Variants in PARP8 observed in about 807,000 individuals in gnomAD.
PARP8 encodes the protein poly(ADP-ribose) polymerase family member 8.
PARP8 carries 51 observed loss-of-function variants against 124.1 expected under a neutral mutation model. The observed-to-expected ratio is 0.41, with a 90% confidence interval of 0.33 to 0.52. The LOEUF (loss-of-function observed/expected upper bound fraction) is 0.52, where lower values mean the gene tolerates loss of function less well. Among genes scored for constraint, PARP8 ranks in the 20% least tolerant of loss-of-function variants. PARP8 has a pLI of 0.21. For synonymous variants in PARP8, 391 were observed against 361.5 expected, an observed-to-expected ratio of 1.08 and a Z score of -0.93; for missense variants, 860 against 1,018.9, an observed-to-expected ratio of 0.84 and a Z score of 2.12.
chr5:50,845,000 A>C lies in PARP8; in HGVS notation c.*2932A>C, dbSNP rs1195667753. 6.7e-6 allele frequency: 1 copy of C among 150,372 alleles called. No homozygotes were observed. Among genetic ancestry groups the C allele is most frequent in the Non-Finnish European group, 1.5e-5 (1 of 67,398 alleles). 9.3% of individuals were successfully genotyped at this position (150,372 alleles called of 1,614,324 possible). On this transcript the variant is annotated 3_prime_UTR_variant, in exon 26 of 26. Coordinates refer to ENST00000281631, the MANE Select transcript of PARP8 (RefSeq NM_024615.4). ...TGGTTTGAAGCTGTTTTTTTTTTTA[A>C]TTTGAAGTTTAATTTTAAAAGTGCC...
chr5:50,716,951 C>G (rs1293964286), intron 2 of PARP8, among the ~76,000 whole-genome samples: 1 of 152,032 alleles, frequency 6.6e-6, no homozygotes, highest in Non-Finnish European at 1.5e-5. Context: ...GCACACTGAT[C>G]ATGTATCAGC....
At chr5:50,736,253 TTGTATGCATTTGA>T (rs1757466092) in intron 2 of PARP8, among the ~76,000 whole-genome samples, 1 of 152,132 alleles carries the variant, frequency 6.6e-6, no homozygotes. Context: ...TTCTGTGCAT[TTGTATGCATTTGA>T]GTATGCATTG....
intron 7 of PARP8, among the ~76,000 whole-genome samples, chr5:50,763,571 T>C (rs1760771660): frequency 6.6e-6 from 1 of 151,946 alleles, no homozygotes; most frequent in Admixed American, 6.6e-5. Context: ...CACATGCTTG[T>C]GAAGGATAAA....
chr5:50,824,381 C>A (rs963788786), intron 17 of PARP8, among the ~76,000 whole-genome samples: 1 of 152,058 alleles, frequency 6.6e-6, no homozygotes, highest in Non-Finnish European at 1.5e-5. Flanking sequence ...TCAACTTCAA[C>A]TAAGACAAAG....
At chr5:50,768,755 T>C (rs1761299941) in intron 7 of PARP8, among the ~76,000 whole-genome samples, 1 of 152,176 alleles carries the variant, frequency 6.6e-6, no homozygotes, top group Non-Finnish European at 1.5e-5. Context: ...CTGAAAGTTA[T>C]TCAGATATAG....
chr5:50,729,973 G>A (rs1456647130), intron 2 of PARP8, among the ~76,000 whole-genome samples: 1 of 152,150 alleles, frequency 6.6e-6, no homozygotes, highest in Non-Finnish European at 1.5e-5. Flanking sequence ...ATTTGAGAAT[G>A]CAAGCATTGT....
intron 15 of PARP8, among the ~76,000 whole-genome samples, chr5:50,819,680 A>G (rs954141063): frequency 1.3e-5 from 2 of 151,798 alleles, no homozygotes; most frequent in African/African-American, 2.4e-5. Flanking sequence ...ACCTCAGGCA[A>G]TCCTCCCTCC....
chr5:50,726,894 ATCTC>A (rs1198170475), intron 2 of PARP8, among the ~76,000 whole-genome samples: 3 of 152,072 alleles, frequency 2.0e-5, no homozygotes, highest in African/African-American at 7.2e-5. Context: ...AGAATAACAC[ATCTC>A]TCTGTTTCCT....
At chr5:50,708,091 G>A (rs1167750814) in intron 2 of PARP8, among the ~76,000 whole-genome samples, 1 of 151,808 alleles carries the variant, frequency 6.6e-6, no homozygotes, top group African/African-American at 2.4e-5. Context: ...CCATTAGCTT[G>A]TATTTTGCTG....
At chr5:50,774,726 C>T (rs1739737707) in intron 7 of PARP8, among the ~76,000 whole-genome samples, 1 of 129,996 alleles carries the variant, frequency 7.7e-6, no homozygotes, top group Non-Finnish European at 1.6e-5. Flanking sequence ...GGGGCAGAGG[C>T]ACTCCTCATT....
chr5:50,755,450 T>C (rs981969497), intron 3 of PARP8, among the ~76,000 whole-genome samples: 2 of 152,212 alleles, frequency 1.3e-5, no homozygotes, highest in Non-Finnish European at 2.9e-5. Context: ...CCTTTCCCCA[T>C]TTCTCACTTT....
chr5:50,838,787 G>A (rs1747860962), intron 25 of PARP8, among the ~76,000 whole-genome samples: 1 of 151,952 alleles, frequency 6.6e-6, no homozygotes, highest in African/African-American at 2.4e-5. Context: ...AAACAACTTG[G>A]AGTTGTATTT....
At chr5:50,794,146 C>T in intron 10 of PARP8, 61 bp from the exon 11 acceptor site, 1 of 1,528,992 alleles carries the variant, frequency 6.5e-7, no homozygotes, top group Non-Finnish European at 8.9e-7. Flanking sequence ...ATAATAAATA[C>T]AGTAACATTA....
At position 50,683,019 on chromosome 5, in the gene PARP8, A is replaced by G. The variant is rs1751465167; in HGVS notation, c.146+14894A>G. Among the ~76,000 whole-genome samples the G allele has an allele frequency of 3.9e-5, 6 of 152,154 alleles. No homozygotes were observed. In the South Asian group the frequency reaches 1.2e-3, roughly 32 times the overall value. ...GTCTCGGTATTTGTGGATTAGGAGG[A>G]GGAAGGGCTGAAAAGGAACCTTAAA... On this transcript the variant is annotated intron_variant, in intron 2 of 25. Transcript: ENST00000281631.
intron 9 of PARP8, among the ~76,000 whole-genome samples, chr5:50,781,134 A>C (rs1740622503): frequency 1.3e-5 from 2 of 152,070 alleles, no homozygotes; most frequent in South Asian, 4.2e-4. Context: ...CATATCTGAA[A>C]ACTTTATATG....
intron 14 of PARP8, among the ~76,000 whole-genome samples, chr5:50,799,603 T>A (rs1344989019): frequency 1.3e-5 from 2 of 152,172 alleles, no homozygotes; most frequent in Non-Finnish European, 2.9e-5. Flanking sequence ...AAAAAGGCAG[T>A]TGGAATTTTG....
intron 2 of PARP8, among the ~76,000 whole-genome samples, chr5:50,735,738 G>A (rs1288922134): frequency 2.0e-5 from 3 of 152,070 alleles, no homozygotes; most frequent in Non-Finnish European, 4.4e-5. Context: ...AGAGAAATAC[G>A]ATCTAGTGGG....
intron 1 of PARP8, 75 bp downstream of exon 1, chr5:50,667,261 G>C (rs989707940): frequency 6.9e-7 from 1 of 1,450,930 alleles, no homozygotes; most frequent in African/African-American, 1.4e-5. Context: ...TCTGTGGCTG[G>C]GGGTGGGGTG....
Position 50,787,128 on chromosome 5 carries a change from A to C in PARP8, c.671-1395A>C, listed in dbSNP as rs1021865414. 1.3e-3 allele frequency among the ~76,000 whole-genome samples: 194 copies of C among 152,182 alleles called. 1 individual carries two copies. Among genetic ancestry groups the C allele is most frequent in the African/African-American group, 4.6e-3 (190 of 41,530 alleles). ...AACTCTTCTTTTTTTTCATACCTCAAATCCAGTCCACCCGCAAAATCTGTC... is the reference window on the plus strand; with the variant it reads ...AACTCTTCTTTTTTTTCATACCTCACATCCAGTCCACCCGCAAAATCTGTC... On this transcript the variant is annotated intron_variant, in intron 9 of 25. Coordinates refer to ENST00000281631, the MANE Select transcript of PARP8 (RefSeq NM_024615.4).
Sources: allele counts gnomAD v4.1 joint callset (sites outside exome capture counted in the v4.1 genomes callset), GRCh38; gene constraint gnomAD v4.1.1; transcripts MANE v1.5; gene names NCBI Gene and HGNC (gene_info 2026-07-23, HGNC 2026-07-21).